TMPRSS9: variants seen among roughly 807,000 people sequenced by gnomAD.
TMPRSS9 encodes transmembrane protease serine 9.
In TMPRSS9, 113 loss-of-function variants were observed where a neutral mutation model predicts 111.4. The ratio of observed to expected loss-of-function variants is 1.01; its 90% CI spans 0.87 to 1.19. The LOEUF is 1.19. Among genes scored for constraint, TMPRSS9 ranks in the 50% most tolerant of loss-of-function variants. TMPRSS9 has a pLI of 0.00. For missense variants in TMPRSS9, 1,803 were observed against 1,513.1 expected, an observed-to-expected ratio of 1.19 and a Z score of -3.18; for synonymous variants, 805 against 659.1, an observed-to-expected ratio of 1.22 and a Z score of -3.39.
At position 2,417,956 on chromosome 19, in the gene TMPRSS9, CT is replaced by C. The variant is rs771282052; in HGVS notation, c.2018-45del. The C allele has an allele frequency of 8.7e-6, 14 of 1,609,046 alleles. No homozygotes were observed. In the African/African-American group the frequency reaches 1.7e-4, roughly 20 times the overall value. On this transcript the variant is annotated intron_variant, in intron 12 of 17. Coordinates refer to ENST00000648592, the Ensembl canonical transcript of TMPRSS9. ...TTATCGGAGCGGAACTGGAGCTGCT[CT>C]GATGATCACTGTGCACGTGGCCTTT... is the stretch of plus-strand genomic sequence containing the variant.
Position 2,424,653 on chromosome 19 carries a change from T to A in TMPRSS9, c.2718-349T>A, listed in dbSNP as rs537120453. Among the ~76,000 whole-genome samples, 664 of 151,468 alleles carry A rather than the reference T, an allele frequency of 4.4e-3. 4 individuals carry two copies. The highest frequency in any genetic ancestry group is 7.4e-3 in the Non-Finnish European group (503 of 67,882). On this transcript the variant is annotated intron_variant, in intron 15 of 17. Coordinates refer to ENST00000648592, the Ensembl canonical transcript of TMPRSS9. ...AAGCCCACCCAGTAGAAAGCTGCCC[T>A]CCCCAGGGCCCAAGCCCTGGCAGTC...
upstream of TMPRSS9, among the ~76,000 whole-genome samples, chr19:2,385,273 C>CG (rs1360780077): frequency 2.0e-5 from 3 of 151,756 alleles, no homozygotes; most frequent in African/African-American, 7.3e-5. Flanking sequence ...CCAGTGCTCC[C>CG]GGTGGAGTCT....
upstream of TMPRSS9, among the ~76,000 whole-genome samples, chr19:2,387,194 C>CA (rs532978180): frequency 1.1e-3 from 167 of 151,086 alleles, no homozygotes; most frequent in Admixed American, 1.7e-3. Flanking sequence ...CCCCTCTCTA[C>CA]AAAAAAATAG....
chr19:2,422,029 C>T, exon 14 of TMPRSS9: 2 of 1,612,946 alleles, frequency 1.2e-6, no homozygotes, highest in Non-Finnish European at 1.7e-6. Flanking sequence ...CTTCCCATGT[C>T]TCCCCCCTCG....
chr19:2,406,023 T>C (rs1259641642), intron 7 of TMPRSS9, among the ~76,000 whole-genome samples: 2 of 139,710 alleles, frequency 1.4e-5, no homozygotes, highest in Non-Finnish European at 3.1e-5. Flanking sequence ...TCTTTTTTTT[T>C]TTTTTGAGAT....
In TMPRSS9 at chr19:2,425,906, CCT is replaced by C. The variant is rs1458420030; in HGVS notation, c.3121-20_3121-19del. The C allele has an allele frequency of 1.9e-6, 3 of 1,573,458 alleles. No individual in the cohort carries two copies. Among genetic ancestry groups the C allele is most frequent in the Non-Finnish European group, 2.6e-6 (3 of 1,166,044 alleles). ...AGGGGAGGTACCGGCCTCTGAACCCCCTTTCTTCTCTCCCCAACAGGGTGACG... is the reference window on the plus strand; with the variant it reads ...AGGGGAGGTACCGGCCTCTGAACCCCTTCTTCTCTCCCCAACAGGGTGACG... On this transcript the variant is annotated intron_variant, in intron 17 of 17. Coordinates refer to ENST00000648592, the Ensembl canonical transcript of TMPRSS9.
chr19:2,374,507 G>A (rs1194253817), intron 1 of TMPRSS9, among the ~76,000 whole-genome samples: 1 of 151,910 alleles, frequency 6.6e-6, no homozygotes, highest in Non-Finnish European at 1.5e-5. Flanking sequence ...CTGGGAGGCG[G>A]AGGTTGCAGT....
rs779057236 is a variant in TMPRSS9 at position 2,416,525 on chromosome 19, CCT to C, written c.1746-12_1746-11del. 1.4e-5 allele frequency: 22 copies of C among 1,597,854 alleles called. No individual in the cohort carries two copies. The highest frequency in any genetic ancestry group is 3.4e-6 in the Non-Finnish European group (4 of 1,173,030). ...CTGGAGGGCAGGCATGTCTGAGGGCCCTGTCTCCATAGCACGAAGGTGGAGCA... is the reference window on the plus strand; with the variant it reads ...CTGGAGGGCAGGCATGTCTGAGGGCCGTCTCCATAGCACGAAGGTGGAGCA... On this transcript the variant is annotated splice_polypyrimidine_tract_variant and intron_variant, in intron 11 of 17. Transcript: ENST00000648592.
intron 2 of TMPRSS9, 144 bp downstream of exon 3, chr19:2,396,810 G>T (rs1378082899): frequency 1.6e-6 from 2 of 1,260,264 alleles, no homozygotes; most frequent in East Asian, 2.6e-5. Flanking sequence ...GGCCAGGCCA[G>T]GGGGCGGGCA....
chr19:2,361,577 G>A (rs1034130789), intron 1 of TMPRSS9, among the ~76,000 whole-genome samples: 9 of 152,110 alleles, frequency 5.9e-5, no homozygotes, highest in South Asian at 2.1e-4. Context: ...AATTAGCCCC[G>A]GCAGGAAACC....
At chr19:2,410,801 T>C (rs1268831779) in intron 9 of TMPRSS9, among the ~76,000 whole-genome samples, 1 of 152,130 alleles carries the variant, frequency 6.6e-6, no homozygotes. Context: ...AACCGGGACT[T>C]GTGTGGGGAC....
intron 7 of TMPRSS9, among the ~76,000 whole-genome samples, chr19:2,406,950 C>T (rs1394897047): frequency 6.6e-6 from 1 of 151,374 alleles, no homozygotes; most frequent in African/African-American, 2.4e-5. Flanking sequence ...CAGGCACCCG[C>T]CACCATGGCT....
chr19:2,391,367 T>C (rs978413824), intron 1 of TMPRSS9, among the ~76,000 whole-genome samples: 4 of 151,226 alleles, frequency 2.6e-5, no homozygotes, highest in East Asian at 3.9e-4. Context: ...CCTAGGTTTT[T>C]TTTTTTCTTT....
At chr19:2,388,510 C>A (rs1214044473), upstream of TMPRSS9, among the ~76,000 whole-genome samples, 2 of 152,214 alleles carry the variant, frequency 1.3e-5, no homozygotes, top group Non-Finnish European at 1.5e-5. Context: ...GAAACGTATT[C>A]TCCCCTGGAG....
At chr19:2,386,499 C>T (rs1276175470), upstream of TMPRSS9, among the ~76,000 whole-genome samples, 23 of 149,428 alleles carry the variant, frequency 1.5e-4, no homozygotes, top group South Asian at 2.1e-4. Flanking sequence ...AGCAAGACTC[C>T]GTCTCAAAAA....
chr19:2,394,797 G>T (rs1970673593), intron 1 of TMPRSS9, among the ~76,000 whole-genome samples: 1 of 150,918 alleles, frequency 6.6e-6, no homozygotes, highest in African/African-American at 2.4e-5. Flanking sequence ...TTTTTTTTGC[G>T]CTGGTGTGCA....
intron 2 of TMPRSS9, 104 bp from the exon 4 acceptor site, chr19:2,398,691 A>C: frequency 3.0e-6 from 2 of 658,996 alleles, no homozygotes; most frequent in South Asian, 3.3e-5. Flanking sequence ...TTTCCCATGG[A>C]ACCAACCCCT....
At chr19:2,398,966 C>G in intron 3 of TMPRSS9, 52 bp from the exon 5 acceptor site, 2 of 1,573,298 alleles carry the variant, frequency 1.3e-6, no homozygotes, top group South Asian at 2.3e-5. Flanking sequence ...CCAGAAGATT[C>G]CAGCAGGGCG....
At chr19:2,404,124 C>T (rs115744920) in intron 6 of TMPRSS9, among the ~76,000 whole-genome samples, 2,357 of 152,114 alleles carry the variant, frequency 0.015, 45 homozygotes, top group East Asian at 0.09. Context: ...GCTATGATTG[C>T]ACTACTGCAC....
Sources: allele counts gnomAD v4.1 joint callset (sites outside exome capture counted in the v4.1 genomes callset), GRCh38; gene constraint gnomAD v4.1.1; transcripts MANE v1.5; gene names NCBI Gene and HGNC (gene_info 2026-07-23, HGNC 2026-07-21).